The following NCAM2 variants were observed in gnomAD, a reference collection of about 807,000 sequenced individuals.
The protein encoded by NCAM2 is neural cell adhesion molecule 2.
In NCAM2, 30 loss-of-function variants were observed where a neutral mutation model predicts 98.1. The observed-to-expected ratio is 0.31, with a 90% CI of 0.23 to 0.41. The LOEUF (loss-of-function observed/expected upper bound fraction) is 0.41. Ranked by LOEUF, NCAM2 falls within the 10% of genes least tolerant of loss-of-function variation. The probability of loss-of-function intolerance (pLI) is 1.00; values close to 1 mark genes in which losing one functional copy is unlikely to be tolerated. For synonymous variants in NCAM2, 368 were observed against 342.4 expected (o/e 1.07, Z -0.83); for missense variants, 867 against 1,005.8 (o/e 0.86, Z 1.87).
chr21:21,154,305 G>A (rs547736526), intron 1 of NCAM2, among the ~76,000 whole-genome samples: 1 of 151,966 alleles, frequency 6.6e-6, no homozygotes, highest in African/African-American at 2.4e-5. Flanking sequence ...AATGCAGTAT[G>A]TGAAATTTCT....
chr21:21,026,326 A>G (rs538529880), intron 1 of NCAM2, among the ~76,000 whole-genome samples: 3 of 152,340 alleles, frequency 2.0e-5, no homozygotes, highest in Admixed American at 2.0e-4. Flanking sequence ...TTCCAAGTCA[A>G]AAATACTTGA....
intron 1 of NCAM2, among the ~76,000 whole-genome samples, chr21:21,060,258 T>C (rs73220207): frequency 0.011 from 1,656 of 152,230 alleles, 14 homozygotes; most frequent in Non-Finnish European, 0.017. Flanking sequence ...GTAAAATGAT[T>C]ATACCATATG....
chr21:21,433,548 G>C (rs2077389631), intron 12 of NCAM2, among the ~76,000 whole-genome samples: 1 of 151,360 alleles, frequency 6.6e-6, no homozygotes, highest in African/African-American at 2.4e-5. Flanking sequence ...GACCATCCTG[G>C]CTAACATGGC....
At chr21:21,469,497 T>G (rs1984150939) in intron 14 of NCAM2, among the ~76,000 whole-genome samples, 1 of 151,990 alleles carries the variant, frequency 6.6e-6, no homozygotes, top group Admixed American at 6.6e-5. Context: ...AAGTTAAAAA[T>G]GAAACACAAT....
At chr21:21,251,120 A>C (rs1022931206) in intron 1 of NCAM2, among the ~76,000 whole-genome samples, 1 of 152,136 alleles carries the variant, frequency 6.6e-6, no homozygotes, top group Non-Finnish European at 1.5e-5. Flanking sequence ...GAGAAAGCTA[A>C]GTGCTCTTTA....
intron 16 of NCAM2, among the ~76,000 whole-genome samples, chr21:21,523,976 T>G (rs919940095): frequency 3.5e-4 from 53 of 151,416 alleles, no homozygotes; most frequent in African/African-American, 1.2e-3. Flanking sequence ...TCTAAATAGC[T>G]CAATTGAAAG....
intron 2 of NCAM2, among the ~76,000 whole-genome samples, chr21:21,282,685 C>T (rs534942760): frequency 1.6e-3 from 250 of 151,664 alleles, no homozygotes; most frequent in African/African-American, 5.8e-3. Context: ...ATGTTACACC[C>T]TCAAAGAGCT....
At chr21:21,416,589 G>A (rs1210090545) in intron 10 of NCAM2, among the ~76,000 whole-genome samples, 1 of 152,044 alleles carries the variant, frequency 6.6e-6, no homozygotes, top group Non-Finnish European at 1.5e-5. Context: ...TAAATATGAA[G>A]AAATAGTTTT....
chr21:21,185,217 A>C (rs2068601242), intron 1 of NCAM2, among the ~76,000 whole-genome samples: 1 of 152,180 alleles, frequency 6.6e-6, no homozygotes, highest in Admixed American at 6.5e-5. Flanking sequence ...TTTTGGCTGA[A>C]ATTAATAAGA....
chr21:21,255,220 A>T (rs983899396), intron 1 of NCAM2, among the ~76,000 whole-genome samples: 7 of 152,138 alleles, frequency 4.6e-5, no homozygotes. Context: ...ATCCCCGAGT[A>T]CGTTGGAGTA....
chr21:21,384,841 A>AT (rs1347646784), intron 9 of NCAM2, among the ~76,000 whole-genome samples: 1 of 152,028 alleles, frequency 6.6e-6, no homozygotes, highest in East Asian at 1.9e-4. Context: ...TTCAGGTTTT[A>AT]TTTTTTGTAA....
intron 11 of NCAM2, among the ~76,000 whole-genome samples, chr21:21,428,422 C>G (rs1465048088): frequency 6.6e-6 from 1 of 152,174 alleles, no homozygotes; most frequent in Admixed American, 6.5e-5. Flanking sequence ...AAGATCGAGA[C>G]TAATGTTGTA....
At chr21:21,230,575 C>A (rs576549066) in intron 1 of NCAM2, among the ~76,000 whole-genome samples, 81 of 151,318 alleles carry the variant, frequency 5.4e-4, no homozygotes, top group Non-Finnish European at 9.8e-4. Context: ...CTCTCTTTCC[C>A]ACTCTCATCT....
intron 1 of NCAM2, among the ~76,000 whole-genome samples, chr21:21,125,371 G>GTAATATATAATATTTTACATATATATT (rs1459111049): frequency 2.1e-5 from 3 of 145,660 alleles, no homozygotes; most frequent in Non-Finnish European, 4.5e-5. Context: ...ACATATATAT[G>GTAATATATAATATTTTACATATATATT]TAATATATAA....
chr21:21,359,835 A>T (rs2075597991), intron 8 of NCAM2, among the ~76,000 whole-genome samples: 2 of 151,942 alleles, frequency 1.3e-5, no homozygotes, highest in Admixed American at 1.3e-4. Flanking sequence ...ATATTAATAG[A>T]CTTAACAAAA....
chr21:21,404,139 T>C (rs945809995), intron 9 of NCAM2, among the ~76,000 whole-genome samples: 2 of 152,170 alleles, frequency 1.3e-5, no homozygotes, highest in Non-Finnish European at 2.9e-5. Flanking sequence ...TAATTTCAAA[T>C]AATTATGCCT....
intron 8 of NCAM2, among the ~76,000 whole-genome samples, chr21:21,364,311 C>T (rs1005185237): frequency 5.3e-5 from 8 of 151,886 alleles, no homozygotes; most frequent in African/African-American, 1.9e-4. Flanking sequence ...ACAAGACAGC[C>T]TGAGGATCAT....
chr21:21,459,785 G>A (rs760963031), intron 12 of NCAM2, among the ~76,000 whole-genome samples: 24 of 151,760 alleles, frequency 1.6e-4, no homozygotes, highest in Non-Finnish European at 2.8e-4. Context: ...TATGCAAGAT[G>A]AATGCATTCT....
intron 12 of NCAM2, among the ~76,000 whole-genome samples, chr21:21,441,344 A>G (rs1242441868): frequency 6.6e-6 from 1 of 152,180 alleles, no homozygotes; most frequent in East Asian, 1.9e-4. Flanking sequence ...GTGATTACTC[A>G]TACCATCACT....
Sources: allele counts gnomAD v4.1 joint callset (sites outside exome capture counted in the v4.1 genomes callset), GRCh38; gene constraint gnomAD v4.1.1; transcripts MANE v1.5; gene names NCBI Gene and HGNC (gene_info 2026-07-23, HGNC 2026-07-21).